DSCAM: variants seen among roughly 807,000 people sequenced by gnomAD.
DSCAM encodes the protein DS cell adhesion molecule.
A neutral mutation model predicts 217.7 loss-of-function variants in DSCAM; 47 were observed. That is an observed-to-expected ratio of 0.22 (90% CI 0.17 to 0.28). The LOEUF (loss-of-function observed/expected upper bound fraction) is 0.28, where lower values mean the gene tolerates loss of function less well. Among genes scored for constraint, DSCAM ranks in the 10% least tolerant of loss-of-function variants. DSCAM has a pLI of 1.00. For missense variants in DSCAM, 2,080 were observed against 2,618.3 expected (o/e 0.79, Z 4.49); for synonymous variants, 1,056 against 1,015.3 (o/e 1.04, Z -0.76).
chr21:40,402,816 A>G lies in DSCAM; in HGVS notation c.509-33571T>C, dbSNP rs533931545. On this transcript the variant is annotated intron_variant, in intron 3 of 32. Transcript: ENST00000400454. ...ATACTAACCATTTTTTGACCTTTCA[A>G]AATACAAAGTTTTAAGGCTTAATTT... is the stretch of plus-strand genomic sequence containing the variant. Among the ~76,000 whole-genome samples, 12 of 152,256 alleles carry G rather than the reference A, an allele frequency of 7.9e-5. No individual in the cohort carries two copies. In the East Asian group the frequency reaches 2.3e-3, roughly 29 times the overall value.
intron 11 of DSCAM, among the ~76,000 whole-genome samples, chr21:40,245,717 G>A (rs2073215017): frequency 6.6e-6 from 1 of 152,160 alleles, no homozygotes; most frequent in Non-Finnish European, 1.5e-5. Context: ...GAGCCTCCCT[G>A]AGCCATGGAC....
At chr21:40,045,996 A>C (rs565642380) in intron 30 of DSCAM, among the ~76,000 whole-genome samples, 9 of 152,340 alleles carry the variant, frequency 5.9e-5, no homozygotes, top group Admixed American at 5.2e-4. Context: ...CTCAGAGAGA[A>C]GTGACATAGC....
intron 3 of DSCAM, among the ~76,000 whole-genome samples, chr21:40,593,527 C>G (rs1054615824): frequency 4.6e-5 from 7 of 152,104 alleles, no homozygotes; most frequent in African/African-American, 1.7e-4. Context: ...TGGGGTTTCA[C>G]CATCTTTACT....
intron 1 of DSCAM, among the ~76,000 whole-genome samples, chr21:40,820,986 T>C (rs1234478404): frequency 6.6e-6 from 1 of 151,610 alleles, no homozygotes; most frequent in African/African-American, 2.4e-5. Context: ...TCCAGACATA[T>C]ATATATATGT....
At chr21:40,050,728 G>T (rs1401747285) in intron 30 of DSCAM, among the ~76,000 whole-genome samples, 4 of 152,038 alleles carry the variant, frequency 2.6e-5, no homozygotes, top group Admixed American at 1.3e-4. Context: ...TGATCCGACC[G>T]CCTCGGCCTC....
intron 8 of DSCAM, among the ~76,000 whole-genome samples, chr21:40,322,559 T>A (rs1259422276): frequency 6.6e-6 from 1 of 152,068 alleles, no homozygotes; most frequent in African/African-American, 2.4e-5. Flanking sequence ...GTTTCCCATC[T>A]TGTTGCCCAG....
In DSCAM at chr21:40,494,214, T is replaced by C. The variant is rs556602669; in HGVS notation, c.509-124969A>G. On this transcript the variant is annotated intron_variant, in intron 3 of 32. Transcript: ENST00000400454. ...CTTACCTATTTACAATTACCTTGAA[T>C]GTAAATGGATTAAATTTTACAACAA... Among the ~76,000 whole-genome samples, 5 of 152,292 alleles carry C rather than the reference T, an allele frequency of 3.3e-5. No individual in the cohort carries two copies. In the South Asian group the frequency reaches 1.0e-3, roughly 32 times the overall value.
At chr21:40,502,190 A>C (rs2076175078) in intron 3 of DSCAM, among the ~76,000 whole-genome samples, 1 of 152,192 alleles carries the variant, frequency 6.6e-6, no homozygotes, top group African/African-American at 2.4e-5. Flanking sequence ...TCATCAATAA[A>C]AATTACTAAT....
intron 23 of DSCAM, 45 bp from the exon 24 acceptor site, chr21:40,084,051 A>G (rs766103243): frequency 1.3e-6 from 2 of 1,500,410 alleles, no homozygotes; most frequent in South Asian, 2.4e-5. Context: ...AGTTTTTCAC[A>G]TCTTTAACTT....
intron 3 of DSCAM, among the ~76,000 whole-genome samples, chr21:40,665,555 G>T (rs1005297836): frequency 6.6e-6 from 1 of 152,092 alleles, no homozygotes. Flanking sequence ...CCTCTGACAG[G>T]CCAGGTCCCC....
chr21:40,390,890 T>C (rs1169003349), intron 3 of DSCAM, among the ~76,000 whole-genome samples: 8 of 152,158 alleles, frequency 5.3e-5, no homozygotes, highest in Admixed American at 3.9e-4. Context: ...AGAGCTTCAA[T>C]ATCATTTGAG....
chr21:40,299,731 A>T (rs998490136), intron 9 of DSCAM, among the ~76,000 whole-genome samples: 4 of 152,044 alleles, frequency 2.6e-5, no homozygotes, highest in Admixed American at 2.0e-4. Context: ...CATCATTCTC[A>T]TATGCTCTAA....
At chr21:40,205,233 A>G (rs1423463677) in intron 11 of DSCAM, among the ~76,000 whole-genome samples, 2 of 151,052 alleles carry the variant, frequency 1.3e-5, no homozygotes, top group African/African-American at 4.9e-5. Context: ...ATTCAGCTCC[A>G]AGGAAGATGA....
At chr21:40,583,785 C>T (rs1055027871) in intron 3 of DSCAM, among the ~76,000 whole-genome samples, 4 of 151,512 alleles carry the variant, frequency 2.6e-5, no homozygotes, top group African/African-American at 7.3e-5. Flanking sequence ...ACCACTCTTG[C>T]GGGGGATGCT....
At chr21:40,382,164 T>C (rs1210913214) in intron 3 of DSCAM, among the ~76,000 whole-genome samples, 1 of 152,198 alleles carries the variant, frequency 6.6e-6, no homozygotes, top group Non-Finnish European at 1.5e-5. Context: ...TAAAGTTCTC[T>C]CTTTAAATAT....
intron 18 of DSCAM, among the ~76,000 whole-genome samples, chr21:40,139,895 T>C (rs776922007): frequency 8.7e-5 from 13 of 149,312 alleles, no homozygotes; most frequent in Non-Finnish European, 1.8e-4. Context: ...GTGGGGTGTG[T>C]GAGGTGTGGT....
chr21:40,840,629 T>C (rs11088532), intron 1 of DSCAM, among the ~76,000 whole-genome samples: 68,015 of 151,884 alleles, frequency 0.45, 16,864 homozygotes, highest in African/African-American at 0.67. Flanking sequence ...ATACTCGAAA[T>C]ATGAATCTCT....
intron 18 of DSCAM, 95 bp downstream of exon 18, chr21:40,142,463 T>C: frequency 7.1e-7 from 1 of 1,414,408 alleles, no homozygotes; most frequent in Non-Finnish European, 9.7e-7. Flanking sequence ...GTGCCCGCCA[T>C]ATCCTGAGCC....
Position 40,825,421 on chromosome 21 carries a change from G to T in DSCAM, c.43+21198C>A, listed in dbSNP as rs529396290. ...CAACCTCTGCCTCCCGGGTTCAAGT[G>T]ATTCTCCTGCCTCAGCTTCCCGAGT... On this transcript the variant is annotated intron_variant, in intron 1 of 32. Coordinates refer to ENST00000400454, the MANE Select transcript of DSCAM (RefSeq NM_001389.5). Among the ~76,000 whole-genome samples the T allele has an allele frequency of 3.1e-4, 47 of 152,104 alleles. 2 individuals carry two copies. The highest frequency in any genetic ancestry group is 9.4e-4 in the African/African-American group (39 of 41,496).
Sources: allele counts gnomAD v4.1 joint callset (sites outside exome capture counted in the v4.1 genomes callset), GRCh38; gene constraint gnomAD v4.1.1; transcripts MANE v1.5; gene names NCBI Gene and HGNC (gene_info 2026-07-23, HGNC 2026-07-21).